Variants in FAM124A observed in about 807,000 individuals in gnomAD.
FAM124A encodes protein FAM124A.
A neutral mutation model predicts 24.5 loss-of-function variants in FAM124A; 23 were observed. The ratio of observed to expected loss-of-function variants is 0.94; its 90% CI spans 0.68 to 1.33. The LOEUF (loss-of-function observed/expected upper bound fraction) is 1.33. Among genes scored for constraint, FAM124A ranks in the 40% most tolerant of loss-of-function variants. The probability of loss-of-function intolerance (pLI) is 0.00; values close to 1 mark genes in which losing one functional copy is unlikely to be tolerated. For missense variants in FAM124A, 623 were observed against 722.8 expected (o/e 0.86, Z 1.58); for synonymous variants, 287 against 314.7 (o/e 0.91, Z 0.93).
chr13:51,257,188 C>T (rs1418179039), intron 3 of FAM124A, among the ~76,000 whole-genome samples: 5 of 152,140 alleles, frequency 3.3e-5, no homozygotes, highest in Non-Finnish European at 5.9e-5. Context: ...AGTTCTTTTG[C>T]ATGTATACCC....
intron 1 of FAM124A, among the ~76,000 whole-genome samples, chr13:51,223,369 A>G (rs1453738710): frequency 6.6e-6 from 1 of 152,156 alleles, no homozygotes; most frequent in East Asian, 1.9e-4. Context: ...CTGTCTCTAA[A>G]GGACTTTCCT....
In FAM124A at chr13:51,251,033, T is replaced by C. The variant is rs112972865; in HGVS notation, c.101-435T>C. Among the ~76,000 whole-genome samples, 13 of 151,486 alleles carry C rather than the reference T, an allele frequency of 8.6e-5. No individual in the cohort carries two copies. Among genetic ancestry groups the C allele is most frequent in the African/African-American group, 2.9e-4 (12 of 41,266 alleles). On this transcript the variant is annotated intron_variant, in intron 2 of 3. Coordinates refer to ENST00000322475, the MANE Select transcript of FAM124A (RefSeq NM_001242312.2). This position sits in a 1 kb window ranked among gnomAD's most constrained non-coding sequence, Gnocchi z 5.3. ...GAGGAGTGCGTTTGTGTAGGGAACA[T>C]GTATGGGGCAAGGCCCTGCAGCTAT...
Position 51,222,516 on chromosome 13 carries a change from G to GGGCGGC in FAM124A, c.23_28dup (p.Gly8_Gly9dup), listed in dbSNP as rs1327207250. ...GGACGTGCACCATGGACCCAAAGGC[G>GGGCGGC]GGCGGCGGCGGCGAGGAGGACGACT... is the stretch of plus-strand genomic sequence containing the variant. On this transcript the variant is annotated inframe_insertion, in exon 1 of 4. Coordinates refer to ENST00000322475, the MANE Select transcript of FAM124A (RefSeq NM_001242312.2). The GGGCGGC allele has an allele frequency of 3.3e-6, 4 of 1,225,652 alleles. No individual in the cohort carries two copies. In the East Asian group the frequency reaches 1.3e-4, roughly 40 times the overall value. 75.9% of individuals were successfully genotyped at this position (1,225,652 alleles called of 1,614,324 possible).
chr13:51,239,899 C>T (rs544453934), intron 2 of FAM124A, among the ~76,000 whole-genome samples: 32 of 152,232 alleles, frequency 2.1e-4, no homozygotes, highest in African/African-American at 6.5e-4. Flanking sequence ...CGGTTATAAA[C>T]GGGGAGACTT....
intron 3 of FAM124A, among the ~76,000 whole-genome samples, chr13:51,277,796 AAAAG>A (rs1954898321): frequency 9.6e-6 from 1 of 103,660 alleles, no homozygotes; most frequent in Admixed American, 9.9e-5. Context: ...CTGTCTCAAA[AAAAG>A]AGAGAAAGGA....
At chr13:51,261,470 T>C (rs1954737040) in intron 3 of FAM124A, among the ~76,000 whole-genome samples, 1 of 152,236 alleles carries the variant, frequency 6.6e-6, no homozygotes, top group South Asian at 2.1e-4. Context: ...CATCTGGGTT[T>C]AATATTCCGG....
At chr13:51,255,541 A>C (rs543797679) in intron 3 of FAM124A, among the ~76,000 whole-genome samples, 1 of 152,236 alleles carries the variant, frequency 6.6e-6, no homozygotes, top group Admixed American at 6.5e-5. Context: ...ATCATCAATG[A>C]TGTGATTCAG....
intron 2 of FAM124A, among the ~76,000 whole-genome samples, chr13:51,246,105 G>A (rs143361469): frequency 3.9e-4 from 60 of 152,288 alleles, no homozygotes; most frequent in African/African-American, 1.4e-3. Flanking sequence ...TAATTTGAAA[G>A]CCTTGTTAAT....
chr13:51,229,250 C>G (rs1954348722), intron 1 of FAM124A, among the ~76,000 whole-genome samples: 1 of 152,194 alleles, frequency 6.6e-6, no homozygotes, highest in South Asian at 2.1e-4. Context: ...GAATTTCATC[C>G]AGAGAGAGAC....
intron 3 of FAM124A, among the ~76,000 whole-genome samples, chr13:51,257,609 A>G (rs940315386): frequency 2.6e-4 from 40 of 152,140 alleles, no homozygotes; most frequent in African/African-American, 9.2e-4. Flanking sequence ...ACCAAGGCCT[A>G]CGGCTCTCTG....
intron 3 of FAM124A, among the ~76,000 whole-genome samples, chr13:51,261,545 A>G (rs1037622625): frequency 7.7e-6 from 1 of 129,140 alleles, no homozygotes; most frequent in Admixed American, 7.5e-5. Context: ...TCTTTTAGGA[A>G]AAAAGAAGTG....
chr13:51,284,115 T>C lies in FAM124A; in HGVS notation c.*2859T>C, dbSNP rs1159424398. On this transcript the variant is annotated 3_prime_UTR_variant, in exon 4 of 4. Transcript: ENST00000322475. The stretch of plus-strand genomic sequence containing the variant: ...TCCCTTCCATTCCTGGCCATTCCAG[T>C]AGCATCTTCCTCATCCAGAAGGGCT... The C allele has an allele frequency of 6.6e-6, 1 of 152,244 alleles. No homozygotes were observed. The allele number at this position is 152,244 out of a possible 1,614,324, so 9.4% of individuals were successfully genotyped here. A position where few individuals can be genotyped will look rare whatever the true frequency, so the allele number is the denominator to read the frequency against.
At position 51,258,063 on chromosome 13, in the gene FAM124A, C is replaced by T. The variant is rs1593602763; in HGVS notation, c.834+5862C>T. 2.0e-5 allele frequency among the ~76,000 whole-genome samples: 3 copies of T among 152,206 alleles called. No individual in the cohort carries two copies. Among genetic ancestry groups the T allele is most frequent in the African/African-American group, 7.2e-5 (3 of 41,442 alleles). ...CATTCCTCTCCCCAGCCTGCTGTTGCACTGGCCTTCTTGGCCTTCCTTGGT... is the reference window on the plus strand; with the variant it reads ...CATTCCTCTCCCCAGCCTGCTGTTGTACTGGCCTTCTTGGCCTTCCTTGGT... On this transcript the variant is annotated intron_variant, in intron 3 of 3. Transcript: ENST00000322475. This position sits in a 1 kb window ranked among gnomAD's most constrained non-coding sequence, Gnocchi z 4.2.
chr13:51,237,968 T>C (rs752531672), intron 2 of FAM124A, among the ~76,000 whole-genome samples: 1 of 152,204 alleles, frequency 6.6e-6, no homozygotes, highest in Non-Finnish European at 1.5e-5. Context: ...GTGGAGGGGC[T>C]TTGGGATACT....
At position 51,251,823 on chromosome 13, in the gene FAM124A, G is replaced by A. The variant is rs1166602449; in HGVS notation, c.456G>A (p.Thr152=). 22 of 1,603,688 alleles carry A rather than the reference G, an allele frequency of 1.4e-5. No homozygotes were observed. The highest frequency in any genetic ancestry group is 3.4e-5 in the South Asian group (3 of 89,526). The change falls in exon 3 of 4, where the codon ACG becomes ACA. Residue 152 remains threonine (T), a synonymous_variant. Coordinates refer to ENST00000322475, the MANE Select transcript of FAM124A (RefSeq NM_001242312.2). The surrounding 1 kb of genome is among the most constrained non-coding windows in gnomAD (Gnocchi z 5.3). The part of the protein sequence containing the change: ...PYLPCSQDFF[T]LAPGTPLWAI... ...TGCCCTGCAGCCAGGACTTCTTCAC[G>A]CTGGCCCCTGGGACGCCGCTTTGGG...
chr13:51,232,992 T>C (rs1954395100), intron 2 of FAM124A, among the ~76,000 whole-genome samples: 1 of 152,220 alleles, frequency 6.6e-6, no homozygotes, highest in African/African-American at 2.4e-5. Context: ...GCTATTGCTC[T>C]TCCTTTCTAC....
intron 2 of FAM124A, among the ~76,000 whole-genome samples, chr13:51,246,851 G>A (rs1254731778): frequency 6.6e-6 from 1 of 152,232 alleles, no homozygotes; most frequent in Admixed American, 6.5e-5. Flanking sequence ...CGCCCTGACA[G>A]CTCCACTGGA....
In FAM124A at chr13:51,246,399, TG is replaced by T. The variant is rs200227873; in HGVS notation, c.101-5065del. On this transcript the variant is annotated intron_variant, in intron 2 of 3. Transcript: ENST00000322475. ...CAGCTCCACAGAGGCATGTTTCTCGTGGGGTGGGGGGGGGTGTAACTCTAAC... is the reference window on the plus strand; with the variant it reads ...CAGCTCCACAGAGGCATGTTTCTCGTGGGTGGGGGGGGGTGTAACTCTAAC... Among the ~76,000 whole-genome samples the T allele has an allele frequency of 1.1e-3, 100 of 91,958 alleles. 6 individuals are homozygous for T. Among genetic ancestry groups the T allele is most frequent in the Middle Eastern group, 5.5e-3 (1 of 182 alleles). 60.3% of individuals were successfully genotyped at this position (91,958 alleles called of 152,430 possible). A position where few individuals can be genotyped will look rare whatever the true frequency, so the allele number is the denominator to read the frequency against.
intron 2 of FAM124A, among the ~76,000 whole-genome samples, chr13:51,244,469 T>C (rs1954534483): frequency 6.6e-6 from 1 of 152,244 alleles, no homozygotes; most frequent in Non-Finnish European, 1.5e-5. Flanking sequence ...TGACAAATTG[T>C]GTCTAAAGTG....
Sources: gnomAD v4.1 joint callset for allele counts (sites outside exome capture counted in the v4.1 genomes callset) on GRCh38, gnomAD v4.1.1 for gene constraint, Gnocchi (gnomAD v3.1) non-coding constraint, MANE v1.5 for transcripts, NCBI Gene and HGNC (gene_info 2026-07-23, HGNC 2026-07-21) for gene names.